SMOC2: variants seen among roughly 807,000 people sequenced by gnomAD.
SMOC2 encodes SPARC related modular calcium binding 2.
A neutral mutation model predicts 61.4 loss-of-function variants in SMOC2; 39 were observed. That is an observed-to-expected ratio of 0.64 (90% CI 0.49 to 0.83). SMOC2 has a LOEUF of 0.83. Among genes scored for constraint, SMOC2 ranks in the 40% least tolerant of loss-of-function variants. The pLI is 0.00. For missense variants in SMOC2, 556 were observed against 592.9 expected, an observed-to-expected ratio of 0.94 and a Z score of 0.65; for synonymous variants, 247 against 239.9, an observed-to-expected ratio of 1.03 and a Z score of -0.27.
At chr6:168,530,917 T>G (rs1176135587) in intron 4 of SMOC2, among the ~76,000 whole-genome samples, 2 of 152,166 alleles carry the variant, frequency 1.3e-5, no homozygotes, top group Admixed American at 1.3e-4. Flanking sequence ...TCTGTGTCCA[T>G]TGGCGTCTGC....
chr6:168,646,779 C>G (rs1335617964), intron 9 of SMOC2, among the ~76,000 whole-genome samples: 2 of 152,128 alleles, frequency 1.3e-5, no homozygotes, highest in East Asian at 3.9e-4. Context: ...GGTGCAGCAC[C>G]TTTACTGTGG....
At chr6:168,522,233 G>C (rs1583077697) in intron 2 of SMOC2, among the ~76,000 whole-genome samples, 1 of 152,132 alleles carries the variant, frequency 6.6e-6, no homozygotes, top group Non-Finnish European at 1.5e-5. Context: ...ATAAACACTT[G>C]TGTCTGTTGG....
intron 7 of SMOC2, among the ~76,000 whole-genome samples, chr6:168,585,142 A>C (rs1785020299): frequency 6.6e-6 from 1 of 152,080 alleles, no homozygotes; most frequent in African/African-American, 2.4e-5. Flanking sequence ...GTTTTTTTGC[A>C]GTCACGGGGT....
intron 9 of SMOC2, among the ~76,000 whole-genome samples, chr6:168,640,207 T>C (rs1035412338): frequency 1.3e-5 from 2 of 151,538 alleles, no homozygotes; most frequent in Non-Finnish European, 2.9e-5. Context: ...TGGTGTTGTA[T>C]TGTGCTTGTG....
intron 7 of SMOC2, among the ~76,000 whole-genome samples, chr6:168,555,142 G>A (rs1348053094): frequency 1.3e-5 from 2 of 152,214 alleles, no homozygotes; most frequent in South Asian, 2.1e-4. Flanking sequence ...TCTCGGCCTC[G>A]CCCTCAAGTC....
In SMOC2 at chr6:168,475,729, C is replaced by T. The variant is rs1056904340; in HGVS notation, c.85-34186C>T. On this transcript the variant is annotated intron_variant, in intron 1 of 12. Transcript: ENST00000356284. The surrounding 1 kb of genome is among the most constrained non-coding windows in gnomAD (Gnocchi z 4.6). ...GGTGTGGGTCGAGGACACTGCTCGG[C>T]GTTAGAAGAAGAAGTAGTGAAGGGC... Among the ~76,000 whole-genome samples, 5 of 151,768 alleles carry T rather than the reference C, an allele frequency of 3.3e-5. No individual in the cohort carries two copies. The South Asian group carries it at 6.2e-4, about 19-fold the overall frequency.
intron 7 of SMOC2, among the ~76,000 whole-genome samples, chr6:168,592,592 G>A (rs1785217902): frequency 7.2e-6 from 1 of 139,182 alleles, no homozygotes; most frequent in African/African-American, 2.9e-5. Context: ...CATCTTTCTA[G>A]AGGATCGCGG....
chr6:168,466,122 C>T (rs1781826217), intron 1 of SMOC2, among the ~76,000 whole-genome samples: 2 of 144,604 alleles, frequency 1.4e-5, no homozygotes, highest in South Asian at 2.2e-4. Flanking sequence ...CTGGATGAAG[C>T]GAGGTGCTAC....
At chr6:168,583,293 G>A (rs968822771) in intron 7 of SMOC2, among the ~76,000 whole-genome samples, 12 of 148,550 alleles carry the variant, frequency 8.1e-5, no homozygotes, top group Middle Eastern at 7.2e-3. Context: ...CAGTGGGCTC[G>A]GCCCTGCCCT....
chr6:168,641,769 C>T (rs972880677), intron 9 of SMOC2, among the ~76,000 whole-genome samples: 10 of 152,206 alleles, frequency 6.6e-5, no homozygotes, highest in Admixed American at 6.5e-4. Flanking sequence ...CACATCTTCA[C>T]TGGAGGAACT....
chr6:168,655,635 C>A, intron 11 of SMOC2: 1 of 333,848 alleles, frequency 3.0e-6, no homozygotes, highest in Non-Finnish European at 6.0e-6. Context: ...GATCCCCTCA[C>A]ACGTGTGTGC....
chr6:168,455,088 G>T (rs1052990425), intron 1 of SMOC2, among the ~76,000 whole-genome samples: 1 of 152,068 alleles, frequency 6.6e-6, no homozygotes, highest in African/African-American at 2.4e-5. Context: ...GCAGGGTGCC[G>T]GGGCGGAGTG....
At chr6:168,604,805 G>C (rs1221791897) in intron 8 of SMOC2, among the ~76,000 whole-genome samples, 1 of 152,234 alleles carries the variant, frequency 6.6e-6, no homozygotes, top group Non-Finnish European at 1.5e-5. Context: ...AGGACCACAA[G>C]TACATGCCAC....
chr6:168,626,989 T>A (rs112436000), intron 9 of SMOC2, among the ~76,000 whole-genome samples: 4 of 152,184 alleles, frequency 2.6e-5, no homozygotes, highest in African/African-American at 9.7e-5. Flanking sequence ...GTTTATGTGA[T>A]TCTCAAGACA....
At chr6:168,518,601 T>G (rs1335016031) in intron 2 of SMOC2, among the ~76,000 whole-genome samples, 1 of 145,024 alleles carries the variant, frequency 6.9e-6, no homozygotes, top group African/African-American at 2.6e-5. Flanking sequence ...GAATGTGTGT[T>G]CATGTGTGTG....
At chr6:168,631,057 C>G (rs1424802984) in intron 9 of SMOC2, among the ~76,000 whole-genome samples, 1 of 147,404 alleles carries the variant, frequency 6.8e-6, no homozygotes, top group Non-Finnish European at 1.5e-5. Flanking sequence ...CTGTTAAGTA[C>G]TTGATGTCTG....
intron 1 of SMOC2, among the ~76,000 whole-genome samples, chr6:168,488,882 G>A (rs1329692678): frequency 7.0e-6 from 1 of 142,558 alleles, no homozygotes; most frequent in African/African-American, 2.5e-5. Context: ...CAAATCGTCT[G>A]GGTCCCCTTG....
chr6:168,590,663 A>G (rs1363923812), intron 7 of SMOC2, among the ~76,000 whole-genome samples: 1 of 152,224 alleles, frequency 6.6e-6, no homozygotes, highest in Non-Finnish European at 1.5e-5. Context: ...TCATTTTTAG[A>G]ATGCATGTGA....
At chr6:168,529,995 G>A (rs1199435077) in intron 4 of SMOC2, among the ~76,000 whole-genome samples, 1 of 152,192 alleles carries the variant, frequency 6.6e-6, no homozygotes, top group Non-Finnish European at 1.5e-5. Flanking sequence ...CATGGCAGGA[G>A]TACTTTTCAT....
Sources: gnomAD v4.1 joint callset for allele counts (sites outside exome capture counted in the v4.1 genomes callset) on GRCh38, gnomAD v4.1.1 for gene constraint, Gnocchi (gnomAD v3.1) non-coding constraint, MANE v1.5 for transcripts, NCBI Gene and HGNC (gene_info 2026-07-23, HGNC 2026-07-21) for gene names.